The following TBCD variants were observed in gnomAD, a reference collection of about 807,000 sequenced individuals.
The protein encoded by TBCD is tubulin-specific chaperone D.
TBCD carries 105 observed loss-of-function variants against 169.3 expected under a neutral mutation model. The ratio of observed to expected loss-of-function variants is 0.62; its 90% CI spans 0.53 to 0.73. The LOEUF (loss-of-function observed/expected upper bound fraction) is 0.73. Ranked by LOEUF, TBCD falls within the 30% of genes least tolerant of loss-of-function variation. The probability of loss-of-function intolerance (pLI) is 0.00; values close to 1 mark genes in which losing one functional copy is unlikely to be tolerated. For missense variants in TBCD, 1,444 were observed against 1,600.1 expected, an observed-to-expected ratio of 0.90 and a Z score of 1.66; for synonymous variants, 700 against 643.9, an observed-to-expected ratio of 1.09 and a Z score of -1.32.
intron 18 of TBCD, among the ~76,000 whole-genome samples, chr17:82,902,683 T>A (rs1283893042): frequency 6.6e-6 from 1 of 152,214 alleles, no homozygotes; most frequent in Non-Finnish European, 1.5e-5. Flanking sequence ...GGGTTTGGTG[T>A]TTTTAAATAA....
At chr17:82,931,294 C>T (rs900975469) in intron 33 of TBCD, among the ~76,000 whole-genome samples, 4 of 152,176 alleles carry the variant, frequency 2.6e-5, no homozygotes, top group African/African-American at 9.6e-5. Context: ...TTTCTCGTTA[C>T]GACTATAATC....
In TBCD at chr17:82,756,153, A is replaced by G; in HGVS notation, c.185-12A>G. 1 of 1,600,102 alleles carries G rather than the reference A, an allele frequency of 6.2e-7. No homozygotes were observed. Among genetic ancestry groups the G allele is most frequent in the Non-Finnish European group, 8.5e-7 (1 of 1,172,598 alleles). ...TAGTGATAATTAATTTTCATGTTAT[A>G]TTTGTTTTTAGTAATAATGGACAAA... On this transcript the variant is annotated splice_polypyrimidine_tract_variant and intron_variant, in intron 1 of 38. Transcript: ENST00000355528.
chr17:82,902,172 C>T (rs886389766), intron 18 of TBCD, among the ~76,000 whole-genome samples: 24 of 152,210 alleles, frequency 1.6e-4, no homozygotes, highest in South Asian at 2.1e-4. Flanking sequence ...CTTTGCGGAA[C>T]GGCCCTCATT....
rs560035553 is a variant in TBCD at position 82,920,150 on chromosome 17, T to C, written c.2039-406T>C. On this transcript the variant is annotated intron_variant, in intron 23 of 38. Coordinates refer to ENST00000355528, the MANE Select transcript of TBCD (RefSeq NM_005993.5). This position sits in a 1 kb window ranked among gnomAD's most constrained non-coding sequence, Gnocchi z 4.1. ...GAAGTGACAGGCATGACCTGTGGTC[T>C]GGAGCATTGCAGGTGATGGCTGTCT... is the stretch of plus-strand genomic sequence containing the variant. 6.6e-6 allele frequency among the ~76,000 whole-genome samples: 1 copy of C among 152,364 alleles called. No individual in the cohort carries two copies. Among genetic ancestry groups the C allele is most frequent in the Admixed American group, 6.5e-5 (1 of 15,304 alleles).
At chr17:82,878,720 T>C (rs142459837) in intron 14 of TBCD, among the ~76,000 whole-genome samples, 4 of 152,346 alleles carry the variant, frequency 2.6e-5, no homozygotes, top group African/African-American at 9.6e-5. Flanking sequence ...TTATGCAACA[T>C]CCTGCTGTTT....
intron 13 of TBCD, among the ~76,000 whole-genome samples, chr17:82,854,206 G>A (rs745455072): frequency 6.6e-6 from 1 of 152,166 alleles, no homozygotes; most frequent in African/African-American, 2.4e-5. Flanking sequence ...ATCCAAAACC[G>A]AAAACTTTTT....
rs1178542701 is a variant in TBCD, at chr17:82,767,265, G to A, written c.435+897G>A. Among the ~76,000 whole-genome samples the A allele has an allele frequency of 2.0e-5, 3 of 152,292 alleles. No individual in the cohort carries two copies. In the East Asian group the frequency reaches 5.8e-4, roughly 29 times the overall value. On this transcript the variant is annotated intron_variant, in intron 4 of 38. Coordinates refer to ENST00000355528, the MANE Select transcript of TBCD (RefSeq NM_005993.5). ...TGCGGTGGCTTGTCTCGGCGTGGATGTGACTGATGAGCGCTGTGGGGCATT... is the reference window on the plus strand; with the variant it reads ...TGCGGTGGCTTGTCTCGGCGTGGATATGACTGATGAGCGCTGTGGGGCATT...
intron 8 of TBCD, among the ~76,000 whole-genome samples, chr17:82,800,579 G>A (rs552499472): frequency 6.6e-5 from 10 of 152,268 alleles, no homozygotes; most frequent in Admixed American, 1.3e-4. Context: ...GCTGCAGTGT[G>A]CCTGTGGTCG....
intron 1 of TBCD, among the ~76,000 whole-genome samples, chr17:82,755,586 C>A (rs913480961): frequency 2.6e-5 from 4 of 152,054 alleles, no homozygotes; most frequent in Non-Finnish European, 1.5e-5. Context: ...TGCCTGAATT[C>A]CAACGAGAGG....
At chr17:82,899,326 C>CGTCCTCAGCTCGT (rs1868269082) in intron 17 of TBCD, among the ~76,000 whole-genome samples, 1 of 149,916 alleles carries the variant, frequency 6.7e-6, no homozygotes, top group African/African-American at 2.5e-5. Context: ...TCAGCGCGCG[C>CGTCCTCAGCTCGT]GTCCTCAGCT....
intron 7 of TBCD, among the ~76,000 whole-genome samples, chr17:82,790,055 G>T (rs1028980156): frequency 1.3e-5 from 2 of 152,156 alleles, no homozygotes; most frequent in Non-Finnish European, 2.9e-5. Context: ...TCATGTGGCT[G>T]CGCCGCCACC....
At position 82,942,438 on chromosome 17, in the gene TBCD, CTCT is replaced by C. The variant is rs755792122; in HGVS notation, c.3565-5_3565-3del. ...GCTGACCAGCCTGAGCTTGTCTTGTCTCTTCTTCAGCCTGGTGCCTGCTGAAGC... is the reference window on the plus strand; with the variant it reads ...GCTGACCAGCCTGAGCTTGTCTTGTCTCTTCAGCCTGGTGCCTGCTGAAGC... On this transcript the variant is annotated splice_polypyrimidine_tract_variant and splice_region_variant and intron_variant, in intron 38 of 38. Transcript: ENST00000355528. 16 of 1,613,650 alleles carry C rather than the reference CTCT, an allele frequency of 9.9e-6. No individual in the cohort carries two copies. The highest frequency in any genetic ancestry group is 4.5e-5 in the East Asian group (2 of 44,870).
chr17:82,931,105 A>T (rs2062163850), intron 33 of TBCD, among the ~76,000 whole-genome samples: 1 of 152,212 alleles, frequency 6.6e-6, no homozygotes, highest in Admixed American at 6.5e-5. Context: ...GAGGCAGAGT[A>T]TAGACCCTGT....
rs750917380 is a variant in TBCD at position 82,874,594 on chromosome 17, C to T, written c.1475+4214C>T. On this transcript the variant is annotated intron_variant, in intron 14 of 38. Transcript: ENST00000355528. The surrounding 1 kb of genome is among the most constrained non-coding windows in gnomAD (Gnocchi z 5.0). ...AGGGTGCCCTTGGAGCCGTGCCCGC[C>T]GGCCTGGGTGTCAGGCTTGTCCAAC... Among the ~76,000 whole-genome samples, 7 of 152,168 alleles carry T rather than the reference C, an allele frequency of 4.6e-5. No individual in the cohort carries two copies. The highest frequency in any genetic ancestry group is 1.3e-4 in the Admixed American group (2 of 15,284).
intron 17 of TBCD, among the ~76,000 whole-genome samples, chr17:82,899,392 G>T (rs1368130523): frequency 1.3e-5 from 2 of 149,134 alleles, no homozygotes; most frequent in African/African-American, 5.0e-5. Context: ...CTCAGCACGC[G>T]TGTCCTCAGC....
chr17:82,792,092 G>A (rs1367604072), intron 7 of TBCD, among the ~76,000 whole-genome samples: 4 of 152,162 alleles, frequency 2.6e-5, no homozygotes, highest in East Asian at 1.9e-4. Context: ...GGTGGATCAC[G>A]AGGTCAAGAG....
intron 34 of TBCD, among the ~76,000 whole-genome samples, chr17:82,936,508 C>T (rs184645842): frequency 2.6e-4 from 40 of 152,264 alleles, no homozygotes; most frequent in South Asian, 8.3e-4. Context: ...TGTGTTCTCT[C>T]GGGACGTTGC....
At chr17:82,925,896 TGG>T (rs1656851293) in intron 27 of TBCD, among the ~76,000 whole-genome samples, 1 of 151,556 alleles carries the variant, frequency 6.6e-6, no homozygotes, top group Non-Finnish European at 1.5e-5. Context: ...CACCCTGGGG[TGG>T]GGGCTGGCCG....
rs922815091 is a variant in TBCD, at chr17:82,923,493, C to T, written c.2179-159C>T. On this transcript the variant is annotated intron_variant, in intron 25 of 38. Transcript: ENST00000355528. This position sits in a 1 kb window ranked among gnomAD's most constrained non-coding sequence, Gnocchi z 4.6. The stretch of plus-strand genomic sequence containing the variant: ...GTGCTTCTCCAACCTCAGGGCGACC[C>T]GCTGGGTCCCTGGTCAGGCAGGGGC... 3.9e-5 allele frequency among the ~76,000 whole-genome samples: 6 copies of T among 152,020 alleles called. No individual in the cohort carries two copies. The highest frequency in any genetic ancestry group is 8.8e-5 in the Non-Finnish European group (6 of 67,982).
Sources: allele counts gnomAD v4.1 joint callset (sites outside exome capture counted in the v4.1 genomes callset), GRCh38; gene constraint gnomAD v4.1.1; non-coding constraint Gnocchi (gnomAD v3.1); transcripts MANE v1.5; gene names NCBI Gene and HGNC (gene_info 2026-07-23, HGNC 2026-07-21).